Variants in KAZN observed in about 807,000 individuals in gnomAD.
KAZN encodes the protein kazrin, periplakin interacting protein.
KAZN carries 40 observed loss-of-function variants against 87.4 expected under a neutral mutation model. The ratio of observed to expected loss-of-function variants is 0.46; its 90% CI spans 0.36 to 0.60. The LOEUF (loss-of-function observed/expected upper bound fraction) is 0.60. Ranked by LOEUF, KAZN falls within the 20% of genes least tolerant of loss-of-function variation. The pLI, the probability that KAZN is intolerant of heterozygous loss-of-function variation, is 0.00. For synonymous variants in KAZN, 466 were observed against 458.3 expected (o/e 1.02, Z -0.22); for missense variants, 898 against 1,073.9 (o/e 0.84, Z 2.29).
chr1:14,314,049 T>C (rs1655482176), intron 2 of KAZN, among the ~76,000 whole-genome samples: 1 of 152,150 alleles, frequency 6.6e-6, no homozygotes, highest in African/African-American at 2.4e-5. Flanking sequence ...ATTTGCTCTG[T>C]GATATTAGAT....
At chr1:14,078,900 G>A (rs1187673138) in intron 1 of KAZN, among the ~76,000 whole-genome samples, 1 of 152,130 alleles carries the variant, frequency 6.6e-6, no homozygotes, top group Non-Finnish European at 1.5e-5. Flanking sequence ...GAACAGGCTG[G>A]TCCTGAACTC....
intron 2 of KAZN, among the ~76,000 whole-genome samples, chr1:14,289,819 C>A (rs986245743): frequency 6.6e-6 from 1 of 152,134 alleles, no homozygotes; most frequent in African/African-American, 2.4e-5. Context: ...TGGCTGGTAC[C>A]AGTTGTTCCT....
chr1:13,941,422 C>T (rs72871400), intron 1 of KAZN, among the ~76,000 whole-genome samples: 1 of 152,136 alleles, frequency 6.6e-6, no homozygotes, highest in African/African-American at 2.4e-5. Context: ...TACATGTGGT[C>T]TCCCAGACTA....
intron 2 of KAZN, among the ~76,000 whole-genome samples, chr1:14,575,496 C>T (rs1390640996): frequency 6.6e-6 from 1 of 152,182 alleles, no homozygotes; most frequent in African/African-American, 2.4e-5. Flanking sequence ...ATTCAATTAT[C>T]TCCCACCAGA....
At chr1:14,793,781 A>G (rs183641473) in intron 1 of KAZN, among the ~76,000 whole-genome samples, 4 of 151,954 alleles carry the variant, frequency 2.6e-5, no homozygotes, top group African/African-American at 9.7e-5. Flanking sequence ...CTGTGACTTG[A>G]GACAGATCAG....
chr1:13,928,049 A>G (rs1203518056), intron 1 of KAZN, among the ~76,000 whole-genome samples: 3 of 152,204 alleles, frequency 2.0e-5, no homozygotes. Context: ...TCAGAGCTGA[A>G]ACTGTTAACC....
At chr1:14,466,933 C>T (rs907363483) in intron 2 of KAZN, among the ~76,000 whole-genome samples, 1 of 152,204 alleles carries the variant, frequency 6.6e-6, no homozygotes, top group South Asian at 2.1e-4. Context: ...CGCGCCACTG[C>T]GCTCCAGCCT....
intron 2 of KAZN, among the ~76,000 whole-genome samples, chr1:14,577,165 G>A (rs1675244070): frequency 6.6e-6 from 1 of 152,114 alleles, no homozygotes; most frequent in South Asian, 2.1e-4. Flanking sequence ...CCTTTAATCA[G>A]TAAGAATAAA....
intron 1 of KAZN, among the ~76,000 whole-genome samples, chr1:13,954,004 C>T (rs1020678433): frequency 5.3e-5 from 8 of 152,206 alleles, no homozygotes; most frequent in Admixed American, 6.5e-5. Flanking sequence ...AAGTGAATCT[C>T]AATGTATTAT....
At chr1:14,860,120 CTTCTTCCTTCCTTCCT>C (rs147018601) in intron 1 of KAZN, among the ~76,000 whole-genome samples, 2,252 of 151,652 alleles carry the variant, frequency 0.015, 58 homozygotes, top group African/African-American at 0.051. Context: ...TCCTTCCTTC[CTTCTTCCTTCCTTCCT>C]TTCTTCCTTC....
chr1:14,321,873 C>T (rs772304044), intron 2 of KAZN, among the ~76,000 whole-genome samples: 2 of 152,084 alleles, frequency 1.3e-5, no homozygotes, highest in Admixed American at 6.6e-5. Context: ...AGGTGGATAC[C>T]AAATTGCAAA....
intron 1 of KAZN, among the ~76,000 whole-genome samples, chr1:13,956,301 CTTTTTTTTCTTTTTT>C (rs1205086535): frequency 1.0e-5 from 1 of 95,568 alleles, no homozygotes; most frequent in Admixed American, 1.0e-4. Flanking sequence ...CATTTCTTTT[CTTTTTTTTCTTTTTT>C]TTTTTTTGAT....
rs539913056 is a variant in KAZN at position 14,598,850 on chromosome 1, G to C, written c.-148G>C. On this transcript the variant is annotated 5_prime_UTR_variant, in exon 1 of 15. Coordinates refer to ENST00000376030, the MANE Select transcript of KAZN (RefSeq NM_201628.3). This position sits in a 1 kb window ranked among gnomAD's most constrained non-coding sequence, Gnocchi z 4.2. ...CTGTCATTCCTGTGCCGGAGGAACC[G>C]GCGCTGCCGGTGCCTGGGGGTCGGG... 0.011 allele frequency: 15,518 copies of C among 1,407,520 alleles called. 122 individuals are homozygous for C. The highest frequency in any genetic ancestry group is 0.013 in the Non-Finnish European group (14,592 of 1,086,352). 87.2% of individuals were successfully genotyped at this position (1,407,520 alleles called of 1,614,324 possible). A position where few individuals can be genotyped will look rare whatever the true frequency, so the allele number is the denominator to read the frequency against.
chr1:14,704,809 G>A (rs1642124699), intron 1 of KAZN, among the ~76,000 whole-genome samples: 1 of 152,190 alleles, frequency 6.6e-6, no homozygotes. Context: ...AGGAGAGTGA[G>A]GTCAAGTTAC....
chr1:14,665,741 C>T (rs1639494142), intron 1 of KAZN, among the ~76,000 whole-genome samples: 1 of 152,036 alleles, frequency 6.6e-6, no homozygotes, highest in African/African-American at 2.4e-5. Context: ...GGACTTGGCC[C>T]ACTGTCAAGC....
chr1:14,759,907 G>A (rs1210196921), intron 1 of KAZN, among the ~76,000 whole-genome samples: 3 of 152,010 alleles, frequency 2.0e-5, no homozygotes, highest in African/African-American at 7.3e-5. Flanking sequence ...CCTGCATTGT[G>A]GCTCCTCTTC....
intron 4 of KAZN, among the ~76,000 whole-genome samples, chr1:15,050,068 G>GAGTAC (rs1553180789): frequency 9.7e-6 from 1 of 103,160 alleles, no homozygotes; most frequent in African/African-American, 4.7e-5. Context: ...GGGTAGGGTA[G>GAGTAC]AGTAGAGTAG....
chr1:14,329,811 C>G (rs1656714717), intron 2 of KAZN, among the ~76,000 whole-genome samples: 1 of 152,238 alleles, frequency 6.6e-6, no homozygotes, highest in African/African-American at 2.4e-5. Flanking sequence ...ACAGCCAGCT[C>G]AGTGCAAAGC....
intron 1 of KAZN, among the ~76,000 whole-genome samples, chr1:14,762,839 C>T (rs1644780389): frequency 6.6e-6 from 1 of 151,764 alleles, no homozygotes; most frequent in South Asian, 2.1e-4. Context: ...GGAACTTGCA[C>T]TTTGTTCAGT....
Sources: allele counts gnomAD v4.1 joint callset (sites outside exome capture counted in the v4.1 genomes callset), GRCh38; gene constraint gnomAD v4.1.1; non-coding constraint Gnocchi (gnomAD v3.1); transcripts MANE v1.5; gene names NCBI Gene and HGNC (gene_info 2026-07-23, HGNC 2026-07-21).